Variants in WASF1 observed in about 807,000 individuals in gnomAD.
WASF1 encodes the protein WASP family member 1, also known as actin-binding protein WASF1.
WASF1 carries 7 observed loss-of-function variants against 50.5 expected under a neutral mutation model. That is an observed-to-expected ratio of 0.14 (90% confidence interval 0.08 to 0.26). WASF1 has a LOEUF of 0.26. Ranked by LOEUF, WASF1 falls within the 10% of genes least tolerant of loss-of-function variation. The probability of loss-of-function intolerance (pLI) is 1.00; values close to 1 mark genes in which losing one functional copy is unlikely to be tolerated. For missense variants in WASF1, 470 were observed against 694.7 expected (o/e 0.68, Z 3.64); for synonymous variants, 205 against 244.0 (o/e 0.84, Z 1.49).
intron 5 of WASF1, among the ~76,000 whole-genome samples, chr6:110,109,155 T>A (rs548123531): frequency 6.6e-6 from 1 of 152,100 alleles, no homozygotes; most frequent in Non-Finnish European, 1.5e-5. Flanking sequence ...ACTATAAATA[T>A]TGTATGTGTA....
intron 4 of WASF1, among the ~76,000 whole-genome samples, chr6:110,124,212 T>TCTCTC (rs1281486054): frequency 1.3e-5 from 1 of 75,492 alleles, no homozygotes; most frequent in Admixed American, 1.2e-4. Flanking sequence ...TCTCTCTCTC[T>TCTCTC]CTCTCCTCTC....
At chr6:110,104,961 T>C (rs1583920448) in intron 8 of WASF1, among the ~76,000 whole-genome samples, 1 of 152,206 alleles carries the variant, frequency 6.6e-6, no homozygotes, top group South Asian at 2.1e-4. Context: ...TCCTAATATA[T>C]CTGAGGTGGG....
chr6:110,124,367 T>C (rs1357710718), intron 4 of WASF1, among the ~76,000 whole-genome samples: 1 of 141,590 alleles, frequency 7.1e-6, no homozygotes, highest in Admixed American at 7.2e-5. Flanking sequence ...ACCCCTCTCT[T>C]GGCTGAGAGC....
intron 2 of WASF1, among the ~76,000 whole-genome samples, chr6:110,174,248 A>G (rs1776834078): frequency 6.6e-6 from 1 of 152,112 alleles, no homozygotes; most frequent in South Asian, 2.1e-4. Context: ...GTGTAAATCC[A>G]GTTCCCTCTT....
chr6:110,151,409 T>C (rs1775817628), intron 3 of WASF1, among the ~76,000 whole-genome samples: 1 of 152,176 alleles, frequency 6.6e-6, no homozygotes, highest in African/African-American at 2.4e-5. Context: ...ATTAAATGTA[T>C]TACTCTTGAT....
chr6:110,106,165 C>T (rs1048747006), intron 7 of WASF1, among the ~76,000 whole-genome samples: 1 of 152,150 alleles, frequency 6.6e-6, no homozygotes, highest in Non-Finnish European at 1.5e-5. Context: ...ACGCCCAAAG[C>T]GGCCAAGCGG....
chr6:110,151,542 A>C (rs2114581414), intron 3 of WASF1, among the ~76,000 whole-genome samples: 1 of 152,334 alleles, frequency 6.6e-6, no homozygotes, highest in Non-Finnish European at 1.5e-5. Flanking sequence ...AGATTGGTCT[A>C]AACAATAGGA....
intron 2 of WASF1, among the ~76,000 whole-genome samples, chr6:110,163,581 TG>T (rs1353724735): frequency 4.6e-5 from 7 of 151,472 alleles, no homozygotes; most frequent in Non-Finnish European, 1.0e-4. Flanking sequence ...CATATGAATT[TG>T]GGGGTGGGGG....
At chr6:110,141,972 G>A (rs767852867) in intron 3 of WASF1, among the ~76,000 whole-genome samples, 10 of 152,008 alleles carry the variant, frequency 6.6e-5, no homozygotes, top group East Asian at 3.9e-4. Context: ...GGGTTTCACC[G>A]TGTCAGGCTG....
rs780687578 is a variant in WASF1 at position 110,160,210 on chromosome 6, A to C, written c.-29+425T>G. Among the ~76,000 whole-genome samples the C allele has an allele frequency of 3.3e-5, 5 of 151,882 alleles. No individual in the cohort carries two copies. The South Asian group carries it at 6.2e-4, about 19-fold the overall frequency. On this transcript the variant is annotated intron_variant, in intron 3 of 10. Transcript: ENST00000392589. The stretch of plus-strand genomic sequence containing the variant: ...AATCAAGTGTCTAATGAAAACTATG[A>C]GCAAGGAAGAATAATATGTTAGCTA...
intron 3 of WASF1, among the ~76,000 whole-genome samples, chr6:110,142,150 T>C (rs1428526025): frequency 1.3e-5 from 2 of 152,184 alleles, no homozygotes; most frequent in Non-Finnish European, 2.9e-5. Context: ...GGCTTGCTTG[T>C]TTCACTCTCC....
At chr6:110,103,744 CCTTA>C (rs1773196002) in intron 8 of WASF1, among the ~76,000 whole-genome samples, 187 bp from the exon 9 acceptor site, 1 of 152,002 alleles carries the variant, frequency 6.6e-6, no homozygotes, top group African/African-American at 2.4e-5. Context: ...ACAATATAAC[CCTTA>C]CTTGTTGATT....
At chr6:110,167,741 A>G (rs1191167342) in intron 2 of WASF1, among the ~76,000 whole-genome samples, 1 of 152,038 alleles carries the variant, frequency 6.6e-6, no homozygotes, top group African/African-American at 2.4e-5. Context: ...AGCTACAAAT[A>G]AAAAACAAAT....
chr6:110,172,807 G>A (rs967297392), intron 2 of WASF1, among the ~76,000 whole-genome samples: 1 of 152,072 alleles, frequency 6.6e-6, no homozygotes, highest in Admixed American at 6.6e-5. Flanking sequence ...TGGTGGGTGA[G>A]GGGTGAGAAA....
chr6:110,140,937 T>C (rs1370874633), intron 3 of WASF1, among the ~76,000 whole-genome samples: 1 of 152,102 alleles, frequency 6.6e-6, no homozygotes, highest in Non-Finnish European at 1.5e-5. Context: ...GCATATACAG[T>C]GTGGATATGC....
At chr6:110,145,889 A>G (rs1180585503) in intron 3 of WASF1, among the ~76,000 whole-genome samples, 1 of 150,530 alleles carries the variant, frequency 6.6e-6, no homozygotes, top group East Asian at 2.0e-4. Flanking sequence ...GGACAAAAAA[A>G]CCAAACACTG....
At chr6:110,134,966 A>G (rs529033599) in intron 3 of WASF1, among the ~76,000 whole-genome samples, 1 of 152,010 alleles carries the variant, frequency 6.6e-6, no homozygotes, top group Admixed American at 6.5e-5. Context: ...CAGTATGGTC[A>G]TTTTCACAAT....
At chr6:110,159,933 C>G (rs1326243433) in intron 3 of WASF1, among the ~76,000 whole-genome samples, 1 of 151,714 alleles carries the variant, frequency 6.6e-6, no homozygotes, top group Non-Finnish European at 1.5e-5. Context: ...CAACCTATAC[C>G]TTGGGAAGCA....
At chr6:110,154,038 CA>C (rs1231572837) in intron 3 of WASF1, among the ~76,000 whole-genome samples, 2 of 151,942 alleles carry the variant, frequency 1.3e-5, no homozygotes, top group Non-Finnish European at 2.9e-5. Flanking sequence ...CTTTGAGTTC[CA>C]AAAGTAAATT....
Sources: gnomAD v4.1 joint callset for allele counts (sites outside exome capture counted in the v4.1 genomes callset) on GRCh38, gnomAD v4.1.1 for gene constraint, MANE v1.5 for transcripts, NCBI Gene and HGNC (gene_info 2026-07-23, HGNC 2026-07-21) for gene names.